CELF1: variants seen among roughly 807,000 people sequenced by gnomAD.
CELF1 encodes CUGBP Elav-like family member 1, also known as 50 kDa nuclear polyadenylated RNA-binding protein.
A neutral mutation model predicts 61.8 loss-of-function variants in CELF1; 10 were observed. The observed-to-expected ratio is 0.16, with a 90% CI of 0.10 to 0.27. The LOEUF (loss-of-function observed/expected upper bound fraction) is 0.27. Among genes scored for constraint, CELF1 ranks in the 10% least tolerant of loss-of-function variants. The pLI is 1.00. For missense variants in CELF1, 380 were observed against 639.1 expected (o/e 0.59, Z 4.37); for synonymous variants, 236 against 225.1 (o/e 1.05, Z -0.43).
intron 1 of CELF1, among the ~76,000 whole-genome samples, chr11:47,545,086 C>CAGCCTGGCAA (rs1565907850): frequency 6.6e-6 from 1 of 152,006 alleles, no homozygotes; most frequent in Admixed American, 6.6e-5. Flanking sequence ...AGTTCAAGAT[C>CAGCCTGGCAA]AGCCTGGCCA....
At chr11:47,565,207 G>T (rs1183431606) in intron 1 of CELF1, 1 of 153,174 alleles carries the variant, frequency 6.5e-6, no homozygotes, top group African/African-American at 2.4e-5. Flanking sequence ...GGGTTGGGGG[G>T]AGTGTCCCCT....
At chr11:47,502,825 C>G (rs2094088642) in intron 1 of CELF1, among the ~76,000 whole-genome samples, 1 of 151,978 alleles carries the variant, frequency 6.6e-6, no homozygotes, top group Non-Finnish European at 1.5e-5. Flanking sequence ...GAGTGAGACT[C>G]TGTCTCAAAA....
intron 1 of CELF1, among the ~76,000 whole-genome samples, chr11:47,538,878 T>A (rs2096704335): frequency 6.6e-6 from 1 of 152,140 alleles, no homozygotes; most frequent in South Asian, 2.1e-4. Context: ...ACTGTGATGC[T>A]CCTCTCACAG....
chr11:47,556,767 A>G (rs2097206900), upstream of CELF1, among the ~76,000 whole-genome samples: 1 of 152,160 alleles, frequency 6.6e-6, no homozygotes, highest in Admixed American at 6.6e-5. Flanking sequence ...TGCAGTTCCA[A>G]CTACTTAAGA....
chr11:47,475,403 G>A lies in CELF1; in HGVS notation c.1206C>T (p.Leu402=), dbSNP rs774087153. The change falls in exon 13 of 15, where the codon CTC becomes CTT. Residue 402 remains leucine (L), a synonymous_variant. Transcript: ENST00000687097. The part of the protein sequence containing the change: ...SGIQQYAAAA[L]PTLYNQNLLT... ...GAAGATTCTGGTTGTACAGAGTGGG[G>A]AGCGCAGCAGCAGCATATTGCTGGA... 1.9e-6 allele frequency: 3 copies of A among 1,613,994 alleles called. No individual in the cohort carries two copies. The highest frequency in any genetic ancestry group is 1.1e-5 in the South Asian group (1 of 91,072).
rs1202228905 is a variant in CELF1, at chr11:47,484,504, C to T, written c.411G>A (p.Leu137=). The T allele has an allele frequency of 4.3e-6, 7 of 1,611,676 alleles. No individual in the cohort carries two copies. The South Asian group carries it at 7.7e-5, about 18-fold the overall frequency. ...EKNNAVEDRK[L]FIGMISKKCT... ...ACTTCTTGGAAATCATACCAATAAACAGCTTCCTGTCTTCCACTGCTAAGA... is the reference window on the plus strand; with the variant it reads ...ACTTCTTGGAAATCATACCAATAAATAGCTTCCTGTCTTCCACTGCTAAGA... Residue 137 remains leucine (L), a synonymous_variant, in exon 7 of 15, where the codon CTG becomes CTA. Coordinates refer to ENST00000687097, the MANE Select transcript of CELF1 (RefSeq NM_001376376.1).
At chr11:47,546,076 A>C (rs1005125555) in intron 1 of CELF1, among the ~76,000 whole-genome samples, 1 of 150,988 alleles carries the variant, frequency 6.6e-6, no homozygotes, top group Non-Finnish European at 1.5e-5. Flanking sequence ...ATGCCCAGCT[A>C]ATTTTTTGTA....
chr11:47,546,659 C>G (rs550127558), intron 1 of CELF1, among the ~76,000 whole-genome samples: 2 of 152,208 alleles, frequency 1.3e-5, no homozygotes, highest in South Asian at 4.1e-4. Context: ...ACATAAGATA[C>G]CTAGAAATTG....
rs2076805430 is a variant in CELF1, at chr11:47,467,130, C to G, written c.*5100G>C. Reference sequence around the variant, plus strand: ...CCCCTAGCTACATCTCTCCACCCTTCCCTGGACAGTCCTACTTCCCAGCTC... The same window carrying G: ...CCCCTAGCTACATCTCTCCACCCTTGCCTGGACAGTCCTACTTCCCAGCTC... On this transcript the variant is annotated 3_prime_UTR_variant, in exon 15 of 15. Coordinates refer to ENST00000687097, the MANE Select transcript of CELF1 (RefSeq NM_001376376.1). 6.6e-6 allele frequency: 1 copy of G among 152,462 alleles called. No individual in the cohort carries two copies. Among genetic ancestry groups the G allele is most frequent in the Non-Finnish European group, 1.5e-5 (1 of 68,278 alleles). 9.4% of individuals were successfully genotyped at this position (152,462 alleles called of 1,614,324 possible).
At chr11:47,473,284 C>A in intron 13 of CELF1, 53 bp from the exon 14 acceptor site, 1 of 1,537,524 alleles carries the variant, frequency 6.5e-7, no homozygotes, top group South Asian at 1.2e-5. Flanking sequence ...TGCTCGTCGC[C>A]CTGCACCAGT....
At chr11:47,508,989 G>A (rs971020137) in intron 1 of CELF1, among the ~76,000 whole-genome samples, 5 of 152,084 alleles carry the variant, frequency 3.3e-5, no homozygotes, top group African/African-American at 9.7e-5. Context: ...GGCTAGTCTC[G>A]AACTCCTGAC....
At chr11:47,531,858 G>A (rs929809580) in intron 1 of CELF1, among the ~76,000 whole-genome samples, 1 of 152,050 alleles carries the variant, frequency 6.6e-6, no homozygotes, top group African/African-American at 2.4e-5. Flanking sequence ...ACTTGTTAAA[G>A]AACTAGCTTG....
At chr11:47,526,658 A>G (rs948517168) in intron 1 of CELF1, among the ~76,000 whole-genome samples, 1 of 152,222 alleles carries the variant, frequency 6.6e-6, no homozygotes, top group Non-Finnish European at 1.5e-5. Context: ...CACTATTAAG[A>G]AAAAACAAAA....
rs187603222 is a variant in CELF1, at chr11:47,484,906, G to A, written c.392-383C>T. Among the ~76,000 whole-genome samples, 224 of 152,114 alleles carry A rather than the reference G, an allele frequency of 1.5e-3. 2 individuals carry two copies. The East Asian group carries it at 0.039, about 27-fold the overall frequency. Reference sequence around the variant, plus strand: ...TTGGTCAGGCTGTTCTTGAACTCTCGACCTCAGGTGATCCACCCGCCTCGG... The same window carrying A: ...TTGGTCAGGCTGTTCTTGAACTCTCAACCTCAGGTGATCCACCCGCCTCGG... On this transcript the variant is annotated intron_variant, in intron 6 of 14. Transcript: ENST00000687097.
Position 47,483,501 on chromosome 11 carries a change from G to C in CELF1, c.558C>G (p.Ala186=), listed in dbSNP as rs759802475. 6.2e-7 allele frequency: 1 copy of C among 1,613,998 alleles called. No homozygotes were observed. Among genetic ancestry groups the C allele is most frequent in the South Asian group, 1.1e-5 (1 of 91,076 alleles). The change falls in exon 8 of 15, where the codon GCC becomes GCG. Residue 186 remains alanine, a synonymous_variant. Transcript: ENST00000687097. ...TTGCCTTGATAGCCGTCTGTGCCATGGCTCTTGTTGTAAAAGTCACAAATG... is the reference window on the plus strand; with the variant it reads ...TTGCCTTGATAGCCGTCTGTGCCATCGCTCTTGTTGTAAAAGTCACAAATG... ...GCAFVTFTTR[A]MAQTAIKAMH... is the part of the protein sequence containing the mutation.
At chr11:47,485,958 G>A (rs1229664271) in intron 6 of CELF1, among the ~76,000 whole-genome samples, 1 of 147,924 alleles carries the variant, frequency 6.8e-6, no homozygotes, top group Non-Finnish European at 1.5e-5. Context: ...TCAGGAGATC[G>A]AGACCATCCT....
At chr11:47,549,008 T>TA (rs1374724039) in intron 1 of CELF1, among the ~76,000 whole-genome samples, 1 of 151,690 alleles carries the variant, frequency 6.6e-6, no homozygotes, top group African/African-American at 2.4e-5. Context: ...CCAACAAGCA[T>TA]ATGAAAAGAT....
At chr11:47,484,624 T>A in intron 6 of CELF1, 101 bp from the exon 7 acceptor site, 1 of 880,752 alleles carries the variant, frequency 1.1e-6, no homozygotes. Flanking sequence ...CCTGGCTCTG[T>A]ACCATATTTT....
intron 1 of CELF1, among the ~76,000 whole-genome samples, chr11:47,541,916 T>C (rs2096816133): frequency 6.6e-6 from 1 of 152,126 alleles, no homozygotes; most frequent in Admixed American, 6.6e-5. Flanking sequence ...AACTTCATTT[T>C]GCATAATCCC....
Sources: allele counts gnomAD v4.1 joint callset (sites outside exome capture counted in the v4.1 genomes callset), GRCh38; gene constraint gnomAD v4.1.1; transcripts MANE v1.5; gene names NCBI Gene and HGNC (gene_info 2026-07-23, HGNC 2026-07-21).